ZMYND8: variants seen among roughly 807,000 people sequenced by gnomAD.
The protein encoded by ZMYND8 is MYND-type zinc finger-containing chromatin reader ZMYND8.
A neutral mutation model predicts 140.8 loss-of-function variants in ZMYND8; 37 were observed. That is an observed-to-expected ratio of 0.26 (90% CI 0.20 to 0.35). The LOEUF (loss-of-function observed/expected upper bound fraction) is 0.35, where lower values mean the gene tolerates loss of function less well. Among genes scored for constraint, ZMYND8 ranks in the 10% least tolerant of loss-of-function variants. The pLI is 1.00. For missense variants in ZMYND8, 1,068 were observed against 1,570.0 expected, an observed-to-expected ratio of 0.68 and a Z score of 5.40; for synonymous variants, 592 against 597.1, an observed-to-expected ratio of 0.99 and a Z score of 0.12.
At chr20:47,339,847 A>G (rs2081696362) in intron 2 of ZMYND8, among the ~76,000 whole-genome samples, 1 of 152,162 alleles carries the variant, frequency 6.6e-6, no homozygotes, top group South Asian at 2.1e-4. Flanking sequence ...TTCTATCTTT[A>G]TCATCCCCAT....
At position 47,245,989 on chromosome 20, in the gene ZMYND8, A is replaced by G; in HGVS notation, c.2284+19T>C. 1 of 1,553,544 alleles carries G rather than the reference A, an allele frequency of 6.4e-7. No homozygotes were observed. Among genetic ancestry groups the G allele is most frequent in the Non-Finnish European group, 8.7e-7 (1 of 1,155,350 alleles). On this transcript the variant is annotated intron_variant, in intron 14 of 22. Transcript: ENST00000471951. ...TCTAAACCAAATTAAGAAAACTGGA[A>G]ACAGATACAATCACTTACCATCCTG...
chr20:47,247,751 A>G (rs2040742773), intron 13 of ZMYND8, among the ~76,000 whole-genome samples: 1 of 152,236 alleles, frequency 6.6e-6, no homozygotes, highest in South Asian at 2.1e-4. Flanking sequence ...AGCCATGAAC[A>G]GCCCGGGGCA....
At chr20:47,251,831 C>G (rs1018972603) in intron 12 of ZMYND8, among the ~76,000 whole-genome samples, 1 of 146,416 alleles carries the variant, frequency 6.8e-6, no homozygotes, top group Non-Finnish European at 1.5e-5. Flanking sequence ...GCCTCTGCCC[C>G]GCCCCGCACC....
At chr20:47,248,923 C>G (rs1308682536) in intron 13 of ZMYND8, among the ~76,000 whole-genome samples, 1 of 152,062 alleles carries the variant, frequency 6.6e-6, no homozygotes, top group Admixed American at 6.6e-5. Context: ...GGTTTCGTGT[C>G]GGACACCTAC....
chr20:47,317,920 T>C (rs1369139875), intron 2 of ZMYND8, among the ~76,000 whole-genome samples: 1 of 152,162 alleles, frequency 6.6e-6, no homozygotes, highest in African/African-American at 2.4e-5. Context: ...AAGAAGTCAA[T>C]GAGTTAATTC....
intron 11 of ZMYND8, 63 bp from the exon 12 acceptor site, chr20:47,262,491 T>C: frequency 6.3e-7 from 1 of 1,597,768 alleles, no homozygotes; most frequent in Non-Finnish European, 8.6e-7. Flanking sequence ...CGTGTAGGTG[T>C]GGTGTAGGGA....
intron 11 of ZMYND8, among the ~76,000 whole-genome samples, chr20:47,266,668 C>G (rs1329924737): frequency 1.3e-5 from 2 of 152,076 alleles, no homozygotes; most frequent in Admixed American, 1.3e-4. Flanking sequence ...TAAACATATC[C>G]CAAATCTCTG....
chr20:47,324,144 A>G lies in ZMYND8; in HGVS notation c.86-13940T>C, dbSNP rs144917077. ...TTGAACCCGGGAGGCGGAGGTTGCC[A>G]TAAGCCGAGATCATGCCATTGCACT... On this transcript the variant is annotated intron_variant, in intron 2 of 22. Coordinates refer to ENST00000471951, the MANE Select transcript of ZMYND8 (RefSeq NM_001281775.3). 1.5e-3 allele frequency among the ~76,000 whole-genome samples: 223 copies of G among 147,194 alleles called. 2 individuals carry two copies. Among genetic ancestry groups the G allele is most frequent in the African/African-American group, 4.9e-3 (195 of 39,426 alleles).
At chr20:47,333,918 GA>G (rs904125943) in intron 2 of ZMYND8, among the ~76,000 whole-genome samples, 2 of 145,860 alleles carry the variant, frequency 1.4e-5, no homozygotes, top group Admixed American at 6.8e-5. Flanking sequence ...AAAAAAAAAA[GA>G]AAAAAAAGGA....
chr20:47,349,025 GCTGGGGAAGAGAGAATGTCCTGTC>G (rs954104797), intron 1 of ZMYND8: 9 of 152,196 alleles, frequency 5.9e-5, no homozygotes, highest in Non-Finnish European at 1.2e-4. Context: ...CAGGAAGGAG[GCTGGGGAAGAGAGAATGTCCTGTC>G]CTGGGGAAGA....
intron 14 of ZMYND8, among the ~76,000 whole-genome samples, chr20:47,240,435 A>C (rs142489164): frequency 1.2e-3 from 180 of 151,022 alleles, no homozygotes; most frequent in African/African-American, 4.2e-3. Context: ...AATCGCTTGA[A>C]CCCGGGACGT....
intron 2 of ZMYND8, among the ~76,000 whole-genome samples, chr20:47,340,065 C>G (rs1236878475): frequency 1.3e-5 from 2 of 151,704 alleles, no homozygotes; most frequent in Non-Finnish European, 1.5e-5. Context: ...GCCTCAGCCT[C>G]CTGAGTAGCT....
intron 2 of ZMYND8, among the ~76,000 whole-genome samples, chr20:47,338,249 G>C (rs2148509756): frequency 6.6e-6 from 1 of 152,200 alleles, no homozygotes; most frequent in African/African-American, 2.4e-5. Context: ...GCTCCGGGCT[G>C]GCTCTACTCC....
intron 14 of ZMYND8, among the ~76,000 whole-genome samples, chr20:47,240,079 A>G (rs2039757448): frequency 6.6e-6 from 1 of 151,958 alleles, no homozygotes; most frequent in Non-Finnish European, 1.5e-5. Flanking sequence ...TCTATTAAAA[A>G]TACAAAAAAA....
chr20:47,252,046 C>A (rs2147368059), intron 12 of ZMYND8, among the ~76,000 whole-genome samples: 1 of 151,744 alleles, frequency 6.6e-6, no homozygotes, highest in Admixed American at 6.6e-5. Flanking sequence ...TGTAATCCAG[C>A]ACTGTGGAAG....
intron 5 of ZMYND8, among the ~76,000 whole-genome samples, chr20:47,293,124 A>G: frequency 1.2e-4 from 1 of 8,100 alleles, no homozygotes; most frequent in Non-Finnish European, 2.0e-4. Context: ...GGAAGGAAGG[A>G]AGGAAGGAAG....
intron 3 of ZMYND8, among the ~76,000 whole-genome samples, chr20:47,301,839 C>T (rs1188008648): frequency 6.6e-6 from 1 of 152,066 alleles, no homozygotes; most frequent in Non-Finnish European, 1.5e-5. Context: ...TTGTAATTCC[C>T]ATAATCCCCA....
chr20:47,255,720 GTGTATATATATATATATATATATATATA>G (rs1391049760), intron 12 of ZMYND8, among the ~76,000 whole-genome samples: 6 of 27,238 alleles, frequency 2.2e-4, no homozygotes, highest in Non-Finnish European at 4.6e-4. Context: ...CCGTGTATGT[GTGTATATATATATATATATATATATATA>G]TATATATATA....
chr20:47,230,880 G>C (rs1047514094), intron 16 of ZMYND8, among the ~76,000 whole-genome samples: 1 of 151,988 alleles, frequency 6.6e-6, no homozygotes, highest in Admixed American at 6.6e-5. Context: ...GACAACCACT[G>C]ATCTGCCTTC....
Sources: allele counts gnomAD v4.1 joint callset (sites outside exome capture counted in the v4.1 genomes callset), GRCh38; gene constraint gnomAD v4.1.1; transcripts MANE v1.5; gene names NCBI Gene and HGNC (gene_info 2026-07-23, HGNC 2026-07-21).